TOM1: variants seen among roughly 807,000 people sequenced by gnomAD.
The protein encoded by TOM1 is target of Myb protein 1.
TOM1 carries 38 observed loss-of-function variants against 61.3 expected under a neutral mutation model. The observed-to-expected ratio is 0.62, with a 90% CI of 0.48 to 0.81. The LOEUF is 0.81. TOM1 is among the 40% of genes least tolerant of loss of function. The pLI is 0.00. For synonymous variants in TOM1, 270 were observed against 268.8 expected (o/e 1.00, Z -0.04); for missense variants, 591 against 659.6 (o/e 0.90, Z 1.14).
At chr22:35,315,917 C>A (rs562561006) in intron 1 of TOM1, among the ~76,000 whole-genome samples, 1 of 152,200 alleles carries the variant, frequency 6.6e-6, no homozygotes, top group African/African-American at 2.4e-5. Flanking sequence ...TGCCTGGAAC[C>A]GGCTTGGCTT....
chr22:35,302,245 C>G (rs1569014799), intron 1 of TOM1, among the ~76,000 whole-genome samples: 1 of 151,906 alleles, frequency 6.6e-6, no homozygotes, highest in Non-Finnish European at 1.5e-5. Flanking sequence ...TGTCGGGGCC[C>G]CAACCCCAGA....
rs113493230 is a variant in TOM1, at chr22:35,334,219, C to T, written c.1028-109C>T. On this transcript the variant is annotated intron_variant, in intron 10 of 14. Coordinates refer to ENST00000449058, the MANE Select transcript of TOM1 (RefSeq NM_005488.3). ...TGCCTCGCGCATTCCCCCACCCACA[C>T]GTGCCACTTCCCCAGCACCAAGCCC... 6.7e-4 allele frequency: 970 copies of T among 1,452,032 alleles called. 5 individuals carry two copies. The highest frequency in any genetic ancestry group is 6.1e-3 in the African/African-American group (430 of 70,354). 89.9% of individuals were successfully genotyped at this position (1,452,032 alleles called of 1,614,324 possible). A position where few individuals can be genotyped will look rare whatever the true frequency, so the allele number is the denominator to read the frequency against.
intron 12 of TOM1, 88 bp downstream of exon 12, chr22:35,338,876 C>G: frequency 7.9e-7 from 1 of 1,259,524 alleles, no homozygotes; most frequent in Non-Finnish European, 1.1e-6. Context: ...GTGGGCCAAG[C>G]ACTGGCCCAG....
intron 1 of TOM1, among the ~76,000 whole-genome samples, chr22:35,301,455 C>T (rs1427037908): frequency 3.3e-5 from 5 of 152,160 alleles, no homozygotes; most frequent in Non-Finnish European, 7.3e-5. Flanking sequence ...ATGCCTTCAC[C>T]CAAACAGCCA....
intron 12 of TOM1, chr22:35,344,942 T>A (rs1930380005): frequency 6.6e-6 from 1 of 152,264 alleles, no homozygotes; most frequent in Non-Finnish European, 1.5e-5. Flanking sequence ...AGTAACCCAC[T>A]CAGAGTCACA....
intron 2 of TOM1, among the ~76,000 whole-genome samples, chr22:35,319,392 G>A (rs16995578): frequency 0.025 from 3,850 of 152,288 alleles, 69 homozygotes; most frequent in Non-Finnish European, 0.038. Context: ...ACCAAGCATG[G>A]CACCTAAACT....
Position 35,347,332 on chromosome 22 carries a change from T to G in TOM1, c.*123T>G. On this transcript the variant is annotated 3_prime_UTR_variant, in exon 15 of 15. Transcript: ENST00000449058. ...GTGGCTTGTTACCCCCTTTTCCTCC[T>G]CTTTGAAGACGGAGCTGCCCCAGCT... 1 of 1,065,126 alleles carries G rather than the reference T, an allele frequency of 9.4e-7. No individual in the cohort carries two copies. The highest frequency in any genetic ancestry group is 2.6e-5 in the East Asian group (1 of 37,884). 66.0% of individuals were successfully genotyped at this position (1,065,126 alleles called of 1,614,324 possible). A position where few individuals can be genotyped will look rare whatever the true frequency, so the allele number is the denominator to read the frequency against.
At chr22:35,346,575 G>A (rs1178967390) in intron 13 of TOM1, among the ~76,000 whole-genome samples, 1 of 152,198 alleles carries the variant, frequency 6.6e-6, no homozygotes, top group Non-Finnish European at 1.5e-5. Flanking sequence ...TCCAAGGAAA[G>A]GAACCAGCAC....
Position 35,323,941 on chromosome 22 carries a change from C to T in TOM1, c.648+27C>T. On this transcript the variant is annotated intron_variant, in intron 6 of 14. Coordinates refer to ENST00000449058, the MANE Select transcript of TOM1 (RefSeq NM_005488.3). The surrounding 1 kb of genome is among the most constrained non-coding windows in gnomAD (Gnocchi z 4.2). ...TAAACGAGCCTGGGGTCAGAACCGT[C>T]AGGTCCAGGCAGGTGGGCCACACAC... 6.6e-7 allele frequency: 1 copy of T among 1,519,726 alleles called. No homozygotes were observed. The highest frequency in any genetic ancestry group is 1.4e-5 in the African/African-American group (1 of 72,074). The allele number at this position is 1,519,726 out of a possible 1,614,324, so 94.1% of individuals were successfully genotyped here.
intron 1 of TOM1, among the ~76,000 whole-genome samples, chr22:35,303,276 G>A (rs953345490): frequency 2.0e-5 from 3 of 151,908 alleles, no homozygotes; most frequent in African/African-American, 4.8e-5. Flanking sequence ...CAAGCCCGAC[G>A]TTGCTCTTTT....
chr22:35,312,026 G>A lies in TOM1; in HGVS notation c.53-5851G>A, dbSNP rs192897551. Among the ~76,000 whole-genome samples the A allele has an allele frequency of 5.0e-3, 754 of 152,200 alleles. 6 individuals are homozygous for A. The highest frequency in any genetic ancestry group is 0.017 in the African/African-American group (698 of 41,536). ...TCCCAGCACTTTGGGAGGCCGAGGCGGGTGGATCACAAGGTCAGGAGTTCA... is the reference window on the plus strand; with the variant it reads ...TCCCAGCACTTTGGGAGGCCGAGGCAGGTGGATCACAAGGTCAGGAGTTCA... On this transcript the variant is annotated intron_variant, in intron 1 of 14. Transcript: ENST00000449058.
chr22:35,330,581 G>A lies in TOM1; in HGVS notation c.899+101G>A, dbSNP rs556835426. ...TCTCATGCCATCTGAGCCTTCTCTC[G>A]TCCTCCTCTCAAACACAAGGCAGGC... On this transcript the variant is annotated intron_variant, in intron 8 of 14. Coordinates refer to ENST00000449058, the MANE Select transcript of TOM1 (RefSeq NM_005488.3). 81 of 1,222,266 alleles carry A rather than the reference G, an allele frequency of 6.6e-5. No individual in the cohort carries two copies. The African/African-American group carries it at 8.2e-4, about 12-fold the overall frequency. The allele number at this position is 1,222,266 out of a possible 1,614,324, so 75.7% of individuals were successfully genotyped here.
chr22:35,320,998 A>AAAAAAAAAAAAAAAC (rs1555893939), intron 2 of TOM1, among the ~76,000 whole-genome samples: 2 of 150,632 alleles, frequency 1.3e-5, no homozygotes, highest in African/African-American at 4.9e-5. Context: ...AAAAAAAAAA[A>AAAAAAAAAAAAAAAC]AAACTTGAAT....
At chr22:35,345,497 C>A in intron 12 of TOM1, 1 of 595,648 alleles carries the variant, frequency 1.7e-6, no homozygotes, top group Non-Finnish European at 3.0e-6. Context: ...CCTCTGACCC[C>A]TGGCCCTGCT....
chr22:35,333,331 C>T, intron 9 of TOM1, 73 bp from the exon 10 acceptor site: 1 of 1,409,812 alleles, frequency 7.1e-7, no homozygotes. Context: ...AGCCTGCAAG[C>T]CACAGTGCTT....
chr22:35,326,565 G>C (rs928666240), intron 6 of TOM1, among the ~76,000 whole-genome samples: 1 of 152,170 alleles, frequency 6.6e-6, no homozygotes, highest in African/African-American at 2.4e-5. Context: ...GATGAGCCTG[G>C]GACACCAAAA....
At chr22:35,303,086 G>A (rs541868832) in intron 1 of TOM1, among the ~76,000 whole-genome samples, 1 of 151,780 alleles carries the variant, frequency 6.6e-6, no homozygotes, top group African/African-American at 2.4e-5. Context: ...TCAGGAATGA[G>A]TGTCAGTCAC....
chr22:35,303,131 A>AAC (rs138739), intron 1 of TOM1, among the ~76,000 whole-genome samples: 51 of 149,280 alleles, frequency 3.4e-4, no homozygotes, highest in African/African-American at 7.6e-4. Context: ...CTCCCCTCCC[A>AAC]ACACACACAC....
chr22:35,314,174 C>G (rs1927079787), intron 1 of TOM1, among the ~76,000 whole-genome samples: 1 of 152,076 alleles, frequency 6.6e-6, no homozygotes, highest in Admixed American at 6.6e-5. Flanking sequence ...CTGGAGGAAC[C>G]TGGAGGAACC....
Sources: gnomAD v4.1 joint callset for allele counts (sites outside exome capture counted in the v4.1 genomes callset) on GRCh38, gnomAD v4.1.1 for gene constraint, Gnocchi (gnomAD v3.1) non-coding constraint, MANE v1.5 for transcripts, NCBI Gene and HGNC (gene_info 2026-07-23, HGNC 2026-07-21) for gene names.